The following HEBP1 variants were observed in gnomAD, a reference collection of about 807,000 sequenced individuals.
The protein encoded by HEBP1 is heme-binding protein 1.
In HEBP1, 13 loss-of-function variants were observed where a neutral mutation model predicts 20.4. The observed-to-expected ratio is 0.64, with a 90% CI of 0.42 to 1.01. HEBP1 has a LOEUF of 1.01. Ranked by LOEUF, HEBP1 falls within the 50% of genes least tolerant of loss-of-function variation. The pLI is 0.00. For synonymous variants in HEBP1, 92 were observed against 90.7 expected (o/e 1.01, Z -0.08); for missense variants, 241 against 247.3 (o/e 0.97, Z 0.17).
intron 1 of HEBP1, among the ~76,000 whole-genome samples, chr12:12,995,685 T>G (rs990424016): frequency 6.6e-6 from 1 of 152,246 alleles, no homozygotes; most frequent in Non-Finnish European, 1.5e-5. Flanking sequence ...GAGCTCTATT[T>G]AAATGTATTT....
intron 1 of HEBP1, among the ~76,000 whole-genome samples, chr12:12,989,656 T>C (rs961649184): frequency 1.3e-5 from 2 of 152,096 alleles, no homozygotes; most frequent in African/African-American, 4.8e-5. Context: ...TATTGCATCC[T>C]GAAAACCAGA....
chr12:12,975,393 C>CG lies in HEBP1; in HGVS notation c.484dup (p.Arg162ProfsTer11). On this transcript the variant is annotated frameshift_variant, in exon 4 of 4. Coordinates refer to ENST00000014930, the MANE Select transcript of HEBP1 (RefSeq NM_015987.5). LOFTEE classifies it high-confidence loss of function. ...ACCCGTGCAGAAGTAGATGTCCCCC[C>CG]GGTAGGTGGCTGTGCCCTCCAGGGC... The CG allele has an allele frequency of 3.7e-6, 6 of 1,613,786 alleles. No homozygotes were observed. The highest frequency in any genetic ancestry group is 5.1e-6 in the Non-Finnish European group (6 of 1,179,842).
intron 2 of HEBP1, among the ~76,000 whole-genome samples, chr12:12,987,740 G>A (rs932451565): frequency 2.6e-5 from 4 of 151,928 alleles, no homozygotes; most frequent in African/African-American, 7.3e-5. Context: ...GGGTTCAAGC[G>A]ATTCTTGTGC....
chr12:12,993,366 GTCT>G (rs1200467257), intron 1 of HEBP1, among the ~76,000 whole-genome samples: 1 of 151,450 alleles, frequency 6.6e-6, no homozygotes, highest in Non-Finnish European at 1.5e-5. Flanking sequence ...TGTTTTCTCT[GTCT>G]TCTTTTGTAG....
chr12:12,993,510 TC>T (rs1864253949), intron 1 of HEBP1, among the ~76,000 whole-genome samples: 2 of 102,764 alleles, frequency 1.9e-5, no homozygotes, highest in African/African-American at 6.0e-5. Context: ...TCTCTCTCTC[TC>T]TCTCTCTTTC....
At chr12:12,989,512 G>A in intron 1 of HEBP1, 97 bp from the exon 2 acceptor site, 1 of 1,176,808 alleles carries the variant, frequency 8.5e-7, no homozygotes, top group Non-Finnish European at 1.2e-6. Flanking sequence ...TTTCCTTGGT[G>A]GGTATGGCCA....
At position 12,986,897 on chromosome 12, in the gene HEBP1, C is replaced by T. The variant is rs1261386516; in HGVS notation, c.398+255G>A. The T allele has an allele frequency of 4.6e-6, 2 of 432,498 alleles. No individual in the cohort carries two copies. The highest frequency in any genetic ancestry group is 4.0e-5 in the African/African-American group (2 of 49,674). 26.8% of individuals were successfully genotyped at this position (432,498 alleles called of 1,614,324 possible). ...CTGCTATGGCTAATGTAGACATTCACTGTAAGCTTAAGCAAAGCTTAAGCT... is the reference window on the plus strand; with the variant it reads ...CTGCTATGGCTAATGTAGACATTCATTGTAAGCTTAAGCAAAGCTTAAGCT... On this transcript the variant is annotated intron_variant, in intron 3 of 3. Transcript: ENST00000014930. This position sits in a 1 kb window ranked among gnomAD's most constrained non-coding sequence, Gnocchi z 4.3.
chr12:13,000,049 G>A lies in HEBP1; in HGVS notation c.66C>T (p.Ser22=), dbSNP rs754373882. Residue 22 remains serine, a synonymous_variant, in exon 1 of 4, where the codon AGC becomes AGT. Transcript: ENST00000014930. Reference sequence around the variant, plus strand: ...CCTGCGGGCCTACCTTGTCCCCTTTGCTTAGGACCTGCCAAGGCCACGTCT... The same window carrying A: ...CCTGCGGGCCTACCTTGTCCCCTTTACTTAGGACCTGCCAAGGCCACGTCT... ...SVETWPWQVL[S]KGDKEEVAYE... 5 of 1,611,430 alleles carry A rather than the reference G, an allele frequency of 3.1e-6. No homozygotes were observed. The highest frequency in any genetic ancestry group is 4.2e-6 in the Non-Finnish European group (5 of 1,178,342).
In HEBP1 at chr12:12,989,409, C is replaced by T; in HGVS notation, c.85G>A (p.Val29Ile). The T allele has an allele frequency of 6.2e-7, 1 of 1,614,112 alleles. No individual in the cohort carries two copies. Among genetic ancestry groups the T allele is most frequent in the Non-Finnish European group, 8.5e-7 (1 of 1,179,978 alleles). Residue 29 changes from valine (V) to isoleucine (I), a missense_variant, in exon 2 of 4, where the codon GTT becomes ATT. By Grantham distance (29) the Val-to-Ile change is conservative (BLOSUM62 3). Coordinates refer to ENST00000014930, the MANE Select transcript of HEBP1 (RefSeq NM_015987.5). ...QVLSKGDKEE[V>I]AYEERACEGG... is the part of the protein sequence containing the mutation. ...TCACAGGCCCTTTCTTCATAGGCAA[C>T]TTCTTCCTAGAGAGAGAGAAGGTAC...
chr12:12,995,236 G>A (rs560349173), intron 1 of HEBP1, among the ~76,000 whole-genome samples: 5 of 152,144 alleles, frequency 3.3e-5, no homozygotes, highest in Admixed American at 6.5e-5. Flanking sequence ...TCTTACCCAC[G>A]CTGTACCTTC....
intron 2 of HEBP1, 58 bp downstream of exon 2, chr12:12,989,219 G>A: frequency 6.3e-7 from 1 of 1,592,422 alleles, no homozygotes; most frequent in Non-Finnish European, 8.6e-7. Context: ...CACTGATGAA[G>A]TGAGACCTTG....
chr12:12,995,079 G>A (rs977787041), intron 1 of HEBP1, among the ~76,000 whole-genome samples: 3 of 152,020 alleles, frequency 2.0e-5, no homozygotes, highest in African/African-American at 7.3e-5. Context: ...TCATTTCCAC[G>A]CCAGGGCCTC....
intron 1 of HEBP1, among the ~76,000 whole-genome samples, chr12:12,994,897 G>A (rs1452418246): frequency 2.6e-5 from 4 of 152,150 alleles, no homozygotes; most frequent in Non-Finnish European, 5.9e-5. Flanking sequence ...CATATATAGG[G>A]CACTCTACAC....
In HEBP1 at chr12:12,987,146, C is replaced by T; in HGVS notation, c.398+6G>A. ...CCCATGGATGCCTGAAGGATTGTCT[C>T]CTTACATGGAATAGACAGTGATGCC... On this transcript the variant is annotated splice_donor_region_variant and intron_variant, in intron 3 of 3. Coordinates refer to ENST00000014930, the MANE Select transcript of HEBP1 (RefSeq NM_015987.5). 6.2e-7 allele frequency: 1 copy of T among 1,612,228 alleles called. No individual in the cohort carries two copies. Among genetic ancestry groups the T allele is most frequent in the Non-Finnish European group, 8.5e-7 (1 of 1,178,608 alleles).
At chr12:12,984,471 A>C (rs1440226523) in intron 3 of HEBP1, 1 of 152,252 alleles carries the variant, frequency 6.6e-6, no homozygotes, top group Non-Finnish European at 1.5e-5. Flanking sequence ...TTCAACTACT[A>C]ATTTACAGGC....
chr12:12,983,847 T>A, intron 3 of HEBP1: 1 of 451,624 alleles, frequency 2.2e-6, no homozygotes, highest in Non-Finnish European at 4.5e-6. Context: ...AATGGCTAAT[T>A]CTAGCTCTAG....
chr12:12,989,316 G>A lies in HEBP1; in HGVS notation c.178C>T (p.Pro60Ser). 6.2e-7 allele frequency: 1 copy of A among 1,614,150 alleles called. No homozygotes were observed. Among genetic ancestry groups the A allele is most frequent in the Non-Finnish European group, 8.5e-7 (1 of 1,180,018 alleles). ...CCCCCCGCATACTTTGCGACCTTGG[G>A]CATTGCTTCCCGTAGAGCCTCATCC... ...PVDEALREAM[P>S]KVAKYAGGTN... Residue 60 changes from proline (P) to serine (S), a missense_variant, in exon 2 of 4, where the codon CCC becomes TCC. Transcript: ENST00000014930.
rs961327106 is a variant in HEBP1, at chr12:12,986,822, G to A, written c.398+330C>T. 8 of 204,460 alleles carry A rather than the reference G, an allele frequency of 3.9e-5. No homozygotes were observed. Among genetic ancestry groups the A allele is most frequent in the Non-Finnish European group, 6.9e-5 (7 of 101,836 alleles). 12.7% of individuals were successfully genotyped at this position (204,460 alleles called of 1,614,324 possible). A position where few individuals can be genotyped will look rare whatever the true frequency, so the allele number is the denominator to read the frequency against. ...CCCTTTATGCTTCCCATGTGTCCAC[G>A]AATCCAGACCATGGCTTGACTTAAG... is the stretch of plus-strand genomic sequence containing the variant. On this transcript the variant is annotated intron_variant, in intron 3 of 3. Transcript: ENST00000014930. This position sits in a 1 kb window ranked among gnomAD's most constrained non-coding sequence, Gnocchi z 4.3.
At chr12:12,983,854 C>G (rs563092514) in intron 3 of HEBP1, 1 of 448,840 alleles carries the variant, frequency 2.2e-6, no homozygotes, top group South Asian at 1.6e-5. Context: ...AATTCTAGCT[C>G]TAGGGCAAGA....
Sources: allele counts gnomAD v4.1 joint callset (sites outside exome capture counted in the v4.1 genomes callset), GRCh38; gene constraint gnomAD v4.1.1; non-coding constraint Gnocchi (gnomAD v3.1); transcripts MANE v1.5; gene names NCBI Gene and HGNC (gene_info 2026-07-23, HGNC 2026-07-21).